The following UTRN variants were observed in gnomAD, a reference collection of about 807,000 sequenced individuals.
UTRN encodes the protein utrophin.
In UTRN, 283 loss-of-function variants were observed where a neutral mutation model predicts 463.9. That is an observed-to-expected ratio of 0.61 (90% CI 0.55 to 0.67). UTRN has a LOEUF of 0.67. UTRN is among the 30% of genes least tolerant of loss of function. The pLI is 0.00. For synonymous variants in UTRN, 1,442 were observed against 1,431.5 expected (o/e 1.01, Z -0.17); for missense variants, 3,922 against 4,084.3 (o/e 0.96, Z 1.08).
chr6:144,721,118 T>C (rs1469650315), intron 53 of UTRN, among the ~76,000 whole-genome samples: 2 of 152,244 alleles, frequency 1.3e-5, no homozygotes, highest in East Asian at 3.8e-4. Flanking sequence ...CCAGTTGTTA[T>C]TTTTGACTCT....
intron 74 of UTRN, among the ~76,000 whole-genome samples, chr6:144,849,796 T>C (rs546584936): frequency 6.6e-6 from 1 of 152,274 alleles, no homozygotes; most frequent in East Asian, 1.9e-4. Context: ...GATAATGGAG[T>C]ATATAGGCAC....
chr6:144,515,011 C>T (rs1029299908), intron 37 of UTRN, among the ~76,000 whole-genome samples, 191 bp downstream of exon 37: 7 of 152,192 alleles, frequency 4.6e-5, no homozygotes, highest in African/African-American at 9.7e-5. Context: ...AAGCTATTCT[C>T]CTGCCTCAGC....
At chr6:144,543,289 A>G (rs1178191779) in intron 46 of UTRN, among the ~76,000 whole-genome samples, 2 of 152,238 alleles carry the variant, frequency 1.3e-5, no homozygotes, top group Non-Finnish European at 2.9e-5. Context: ...CAAAAGGCTT[A>G]GATATCCTGG....
At chr6:144,355,330 C>G (rs2114669453) in intron 2 of UTRN, among the ~76,000 whole-genome samples, 1 of 152,162 alleles carries the variant, frequency 6.6e-6, no homozygotes, top group East Asian at 1.9e-4. Context: ...TCCAGAGTAG[C>G]AGGGACTAAA....
At chr6:144,466,381 G>A (rs1188411845) in intron 23 of UTRN, among the ~76,000 whole-genome samples, 2 of 152,214 alleles carry the variant, frequency 1.3e-5, no homozygotes, top group African/African-American at 4.8e-5. Flanking sequence ...TCATTTGCCT[G>A]CATTTCCTTT....
chr6:144,519,494 A>G (rs971322515), intron 39 of UTRN, among the ~76,000 whole-genome samples: 10 of 152,192 alleles, frequency 6.6e-5, no homozygotes, highest in African/African-American at 2.4e-4. Context: ...TCATTTAAGT[A>G]CTGACCTCTA....
chr6:144,784,627 G>A (rs1776145450), intron 61 of UTRN, among the ~76,000 whole-genome samples: 1 of 152,226 alleles, frequency 6.6e-6, no homozygotes, highest in Admixed American at 6.5e-5. Context: ...AGTGCATAAT[G>A]CACACATATG....
intron 34 of UTRN, among the ~76,000 whole-genome samples, chr6:144,506,199 C>T (rs1453151248): frequency 6.6e-6 from 1 of 151,752 alleles, no homozygotes; most frequent in African/African-American, 2.4e-5. Flanking sequence ...ACGGATGGGT[C>T]TTGGCTGTTT....
rs568304178 is a variant in UTRN, at chr6:144,495,335, G to A, written c.4593+1879G>A. Among the ~76,000 whole-genome samples, 1,048 of 152,350 alleles carry A rather than the reference G, an allele frequency of 6.9e-3. 6 individuals are homozygous for A. The highest frequency in any genetic ancestry group is 0.01 in the Middle Eastern group (3 of 294). On this transcript the variant is annotated intron_variant, in intron 33 of 74. Coordinates refer to ENST00000367545, the MANE Select transcript of UTRN (RefSeq NM_007124.3). ...GGCCCGGTGAGAAATTGAGCGCAGC[G>A]CCGGTGGGCTGGCACTGCTGGGGGA...
chr6:144,505,726 T>C (rs981596977), intron 34 of UTRN, among the ~76,000 whole-genome samples: 1 of 152,224 alleles, frequency 6.6e-6, no homozygotes, highest in African/African-American at 2.4e-5. Context: ...GAATGTATAT[T>C]CTGTTGATTT....
chr6:144,748,438 A>G lies in UTRN; in HGVS notation c.8132A>G (p.Glu2711Gly), dbSNP rs750090619. ...CTGGACGCTGACATGAAGGAGGCAG[A>G]GTCCGTGCGGAATGGCTGGAAGCCC... is the stretch of plus-strand genomic sequence containing the variant. ...DDLDADMKEA[E>G]SVRNGWKPVG... is the part of the protein sequence containing the mutation. Residue 2711 changes from glutamate to glycine, a missense_variant, in exon 55 of 75, where the codon GAG becomes GGG. This residue lies in a region of UTRN where 1,309 missense variants were observed against 1,452.6 expected (regional missense o/e 0.90). Transcript: ENST00000367545. The G allele has an allele frequency of 3.3e-5, 54 of 1,613,904 alleles. No individual in the cohort carries two copies. In the South Asian group the frequency reaches 5.2e-4, roughly 15 times the overall value.
chr6:144,581,263 A>C (rs1197517432), intron 51 of UTRN, among the ~76,000 whole-genome samples: 1 of 152,212 alleles, frequency 6.6e-6, no homozygotes, highest in Non-Finnish European at 1.5e-5. Flanking sequence ...TTATTAGTTC[A>C]AGTGCATTTA....
intron 65 of UTRN, among the ~76,000 whole-genome samples, chr6:144,817,861 G>A (rs980218288): frequency 2.0e-5 from 3 of 152,122 alleles, no homozygotes; most frequent in African/African-American, 7.2e-5. Context: ...ATTTCTGTGT[G>A]TGTACTAACT....
intron 35 of UTRN, among the ~76,000 whole-genome samples, chr6:144,513,142 T>G (rs1795318182): frequency 6.6e-6 from 1 of 152,194 alleles, no homozygotes; most frequent in Non-Finnish European, 1.5e-5. Flanking sequence ...GATGTAATAT[T>G]AAGGGCTGGT....
intron 2 of UTRN, among the ~76,000 whole-genome samples, chr6:144,342,915 G>A (rs975549243): frequency 6.6e-6 from 1 of 152,322 alleles, no homozygotes; most frequent in South Asian, 2.1e-4. Flanking sequence ...CCCTCCCTGT[G>A]ACAGTCCTAG....
rs74981085 is a variant in UTRN at position 144,485,204 on chromosome 6, G to A, written c.3688-181G>A. ...CTCCCAAAGTGCTGGGATTACAGGCGTGAGCCACCACGCCTGGCCGATTTT... is the reference window on the plus strand; with the variant it reads ...CTCCCAAAGTGCTGGGATTACAGGCATGAGCCACCACGCCTGGCCGATTTT... On this transcript the variant is annotated intron_variant, in intron 27 of 74. Coordinates refer to ENST00000367545, the MANE Select transcript of UTRN (RefSeq NM_007124.3). Among the ~76,000 whole-genome samples, 830 of 152,196 alleles carry A rather than the reference G, an allele frequency of 5.5e-3. 8 individuals are homozygous for A. The highest frequency in any genetic ancestry group is 0.01 in the Middle Eastern group (3 of 294).
chr6:144,755,368 C>G (rs1329774906), intron 57 of UTRN, among the ~76,000 whole-genome samples: 3 of 152,140 alleles, frequency 2.0e-5, no homozygotes, highest in Admixed American at 2.0e-4. Context: ...AATTTATGGA[C>G]TATTCTTGAG....
chr6:144,739,156 A>G (rs1789775810), intron 54 of UTRN, among the ~76,000 whole-genome samples: 1 of 152,172 alleles, frequency 6.6e-6, no homozygotes, highest in South Asian at 2.1e-4. Flanking sequence ...TATACTGTTT[A>G]ATTTTTAAAT....
rs1458452959 is a variant in UTRN, at chr6:144,493,310, A to G, written c.4447A>G (p.Lys1483Glu). ...TTTGTTTGTTTTAAAGAAACTGTATAAAACTTTGAGTGAAGTCAAACTTGA... is the reference window on the plus strand; with the variant it reads ...TTTGTTTGTTTTAAAGAAACTGTATGAAACTTTGAGTGAAGTCAAACTTGA... ...THLDKCMKLY[K>E]TLSEVKLEVE... Residue 1483 changes from lysine to glutamate, a missense_variant, in exon 33 of 75, where the codon AAA becomes GAA. Around this residue, in one of 3 missense-constraint regions of UTRN, gnomAD observed 2,349 missense variants for 2,303.8 expected, o/e 1.02. Transcript: ENST00000367545. The G allele has an allele frequency of 2.5e-6, 4 of 1,613,998 alleles. No individual in the cohort carries two copies.
Sources: gnomAD v4.1 joint callset for allele counts (sites outside exome capture counted in the v4.1 genomes callset) on GRCh38, gnomAD v4.1.1 for gene constraint, gnomAD v4.1.1 regional missense constraint, MANE v1.5 for transcripts, NCBI Gene and HGNC (gene_info 2026-07-23, HGNC 2026-07-21) for gene names.